METTL15: variants seen among roughly 807,000 people sequenced by gnomAD.
METTL15 encodes the protein 12S rRNA N(4)-cytidine methyltransferase METTL15.
Under a neutral mutation model 38.3 loss-of-function variants are expected in METTL15, and 34 were observed. The ratio of observed to expected loss-of-function variants is 0.89; its 90% confidence interval spans 0.68 to 1.18. The LOEUF is 1.18. METTL15 is among the 50% of genes most tolerant of loss of function. The pLI is 0.00. For missense variants in METTL15, 438 were observed against 498.4 expected, an observed-to-expected ratio of 0.88 and a Z score of 1.15; for synonymous variants, 162 against 170.9, an observed-to-expected ratio of 0.95 and a Z score of 0.41.
At chr11:28,483,523 T>C (rs1396309223) in intron 6 of METTL15, among the ~76,000 whole-genome samples, 1 of 152,188 alleles carries the variant, frequency 6.6e-6, no homozygotes, top group Non-Finnish European at 1.5e-5. Context: ...TTTTTGAGTC[T>C]CAATGTCTTC....
At chr11:28,368,090 C>A (rs1226084945) in intron 5 of METTL15, among the ~76,000 whole-genome samples, 2 of 42,162 alleles carry the variant, frequency 4.7e-5, no homozygotes, top group Non-Finnish European at 5.0e-5. Context: ...CCAAAATAGA[C>A]AAATGGGATC....
chr11:28,190,584 TTAAGGTA>T (rs1851665488), intron 3 of METTL15, among the ~76,000 whole-genome samples: 1 of 151,156 alleles, frequency 6.6e-6, no homozygotes, highest in African/African-American at 2.4e-5. Context: ...ATTGAGAAAA[TTAAGGTA>T]TAAATTTTAC....
chr11:28,365,276 A>C (rs1249531647), intron 5 of METTL15, among the ~76,000 whole-genome samples: 6 of 152,160 alleles, frequency 3.9e-5, no homozygotes, highest in African/African-American at 1.4e-4. Context: ...TACATCTGGC[A>C]GAATTCAGCT....
At chr11:28,220,289 T>C (rs951310729) in intron 4 of METTL15, among the ~76,000 whole-genome samples, 14 of 152,182 alleles carry the variant, frequency 9.2e-5, no homozygotes, top group African/African-American at 3.4e-4. Flanking sequence ...CTCTTCTTGT[T>C]GAATTGATCA....
intron 6 of METTL15, among the ~76,000 whole-genome samples, chr11:28,442,912 T>C (rs939495549): frequency 6.6e-6 from 1 of 152,234 alleles, no homozygotes; most frequent in Admixed American, 6.5e-5. Flanking sequence ...ATTATAGTAA[T>C]ATTGGAGAAT....
intron 4 of METTL15, among the ~76,000 whole-genome samples, chr11:28,220,957 T>A (rs1017266162): frequency 6.6e-6 from 1 of 152,254 alleles, no homozygotes; most frequent in African/African-American, 2.4e-5. Flanking sequence ...CTTCCCTTTG[T>A]GGGTAACCGG....
chr11:28,476,077 G>A (rs1483040672), intron 6 of METTL15, among the ~76,000 whole-genome samples: 1 of 152,188 alleles, frequency 6.6e-6, no homozygotes, highest in Non-Finnish European at 1.5e-5. Context: ...CTTGCTAGGG[G>A]TAGTAGACAA....
At chr11:28,504,831 T>C (rs1037747445) in intron 6 of METTL15, among the ~76,000 whole-genome samples, 2 of 152,254 alleles carry the variant, frequency 1.3e-5, no homozygotes, top group African/African-American at 4.8e-5. Context: ...CAATTTTCCT[T>C]TGCAAGCTGC....
chr11:28,280,948 G>C (rs777746538), intron 4 of METTL15, among the ~76,000 whole-genome samples: 1 of 151,848 alleles, frequency 6.6e-6, no homozygotes, highest in Non-Finnish European at 1.5e-5. Context: ...TTATCTTATA[G>C]TCCATTCTGA....
chr11:28,528,535 G>A (rs1564957356), downstream of METTL15, among the ~76,000 whole-genome samples: 2 of 152,134 alleles, frequency 1.3e-5, no homozygotes, highest in Non-Finnish European at 2.9e-5. Flanking sequence ...TGTGAATTGG[G>A]GAAGGCAGGC....
chr11:28,135,766 A>C (rs1590786338), intron 3 of METTL15, among the ~76,000 whole-genome samples: 1 of 152,358 alleles, frequency 6.6e-6, no homozygotes, highest in African/African-American at 2.4e-5. Context: ...TATCCTCCAA[A>C]TTTTGTTCAC....
chr11:28,375,645 G>T (rs189136600), intron 5 of METTL15, among the ~76,000 whole-genome samples: 4,850 of 152,054 alleles, frequency 0.032, 130 homozygotes, highest in Non-Finnish European at 0.048. Context: ...TTTTTGAAGG[G>T]TTTTTTGTGT....
chr11:28,131,899 T>C (rs1849350922), intron 3 of METTL15, among the ~76,000 whole-genome samples: 1 of 152,186 alleles, frequency 6.6e-6, no homozygotes, highest in African/African-American at 2.4e-5. Context: ...GTTGTACTTG[T>C]TCTAAATTTG....
At chr11:28,457,558 T>C (rs1851179454) in intron 6 of METTL15, among the ~76,000 whole-genome samples, 1 of 152,202 alleles carries the variant, frequency 6.6e-6, no homozygotes, top group African/African-American at 2.4e-5. Flanking sequence ...AAACTGAAGC[T>C]TTTAGATGCT....
chr11:28,244,659 G>A (rs1156784723), intron 4 of METTL15, among the ~76,000 whole-genome samples: 1 of 152,144 alleles, frequency 6.6e-6, no homozygotes, highest in Non-Finnish European at 1.5e-5. Flanking sequence ...CCTTATACTT[G>A]TTAGGAAAAG....
chr11:28,519,951 C>T (rs1365230362), intron 6 of METTL15, among the ~76,000 whole-genome samples: 3 of 152,144 alleles, frequency 2.0e-5, no homozygotes, highest in Non-Finnish European at 4.4e-5. Context: ...GCTGATTCTC[C>T]TTAAAGCTAC....
At chr11:28,433,355 G>A (rs1356261413) in intron 6 of METTL15, among the ~76,000 whole-genome samples, 1 of 152,180 alleles carries the variant, frequency 6.6e-6, no homozygotes, top group Non-Finnish European at 1.5e-5. Context: ...AAGAGAGGAA[G>A]AATAGGGTAG....
intron 6 of METTL15, among the ~76,000 whole-genome samples, chr11:28,325,071 CCT>C (rs1436098160): frequency 2.6e-5 from 4 of 152,048 alleles, no homozygotes; most frequent in South Asian, 2.1e-4. Context: ...TCCTGGCTCC[CCT>C]CTCTCTGTCT....
intron 5 of METTL15, among the ~76,000 whole-genome samples, chr11:28,368,796 G>A (rs959079134): frequency 2.0e-5 from 3 of 152,192 alleles, no homozygotes; most frequent in East Asian, 3.9e-4. Context: ...AATGTGGCAT[G>A]TATACACCAT....
Sources: gnomAD v4.1 joint callset for allele counts (sites outside exome capture counted in the v4.1 genomes callset) on GRCh38, gnomAD v4.1.1 for gene constraint, MANE v1.5 for transcripts, NCBI Gene and HGNC (gene_info 2026-07-23, HGNC 2026-07-21) for gene names.